IL34: variants seen among roughly 807,000 people sequenced by gnomAD.
IL34 encodes the protein interleukin-34.
A neutral mutation model predicts 25.3 loss-of-function variants in IL34; 17 were observed. The observed-to-expected ratio is 0.67, with a 90% CI of 0.46 to 1.01. IL34 has a LOEUF of 1.01. Ranked by LOEUF, IL34 falls within the 50% of genes least tolerant of loss-of-function variation. The pLI is 0.00. For synonymous variants in IL34, 174 were observed against 140.9 expected (o/e 1.23, Z -1.66); for missense variants, 368 against 312.9 (o/e 1.18, Z -1.33).
chr16:70,660,189 C>T lies in IL34; in HGVS notation c.*2C>T, dbSNP rs1217526050. 4 of 1,569,102 alleles carry T rather than the reference C, an allele frequency of 2.5e-6. No homozygotes were observed. The highest frequency in any genetic ancestry group is 2.6e-6 in the Non-Finnish European group (3 of 1,159,814). ...CAGGGCGAGGGCCTCTTGCCCTGAG[C>T]ACCCTGGATGGTGACTGCGGATAGG... On this transcript the variant is annotated 3_prime_UTR_variant, in exon 6 of 6. Transcript: ENST00000288098.
intron 1 of IL34, among the ~76,000 whole-genome samples, chr16:70,626,415 A>G (rs1484283801): frequency 1.3e-5 from 2 of 152,022 alleles, no homozygotes; most frequent in African/African-American, 4.8e-5. Context: ...TGTTTTTTTG[A>G]ATCAGAGTTT....
At chr16:70,618,540 A>T (rs188625752) in intron 1 of IL34, among the ~76,000 whole-genome samples, 114 of 152,346 alleles carry the variant, frequency 7.5e-4, no homozygotes, top group Middle Eastern at 3.4e-3. Flanking sequence ...GAGGGCCTCT[A>T]AAAGTATTAA....
At chr16:70,609,493 C>T (rs1235199932) in intron 1 of IL34, among the ~76,000 whole-genome samples, 4 of 152,034 alleles carry the variant, frequency 2.6e-5, no homozygotes, top group African/African-American at 7.2e-5. Flanking sequence ...ATGATGACAC[C>T]CGGAGGTGTG....
intron 1 of IL34, among the ~76,000 whole-genome samples, chr16:70,639,761 T>A (rs1449213349): frequency 6.6e-6 from 1 of 152,072 alleles, no homozygotes; most frequent in African/African-American, 2.4e-5. Context: ...TGAGAGCAGC[T>A]TGAGCAACAT....
In IL34 at chr16:70,588,626, C is replaced by T. The variant is rs144441869; in HGVS notation, c.-401+8577C>T. Among the ~76,000 whole-genome samples the T allele has an allele frequency of 7.7e-3, 1,174 of 152,220 alleles. 5 individuals are homozygous for T. The highest frequency in any genetic ancestry group is 0.011 in the Non-Finnish European group (751 of 68,008). On this transcript the variant is annotated intron_variant, in intron 1 of 6. Transcript: ENST00000429149. ...CACCCATGTTCATAGCAGCATCAAT[C>T]GTAGCTAAAAGGTAAAAGCAATTCA...
chr16:70,606,444 A>G (rs1402614869), intron 1 of IL34, among the ~76,000 whole-genome samples: 1 of 152,148 alleles, frequency 6.6e-6, no homozygotes, highest in Non-Finnish European at 1.5e-5. Flanking sequence ...ATAAATCAAG[A>G]TAGTGAACCT....
chr16:70,656,302 T>C (rs1239482508), intron 2 of IL34, among the ~76,000 whole-genome samples: 1 of 152,122 alleles, frequency 6.6e-6, no homozygotes, highest in African/African-American at 2.4e-5. Flanking sequence ...TTTGAGGGGC[T>C]TGAGCCCGGG....
chr16:70,652,135 A>C (rs2052096721), intron 1 of IL34, among the ~76,000 whole-genome samples: 1 of 147,698 alleles, frequency 6.8e-6, no homozygotes, highest in South Asian at 2.1e-4. Context: ...CTCAAAAAAA[A>C]AATAAATAAA....
intron 1 of IL34, 26 bp downstream of exon 1, chr16:70,647,001 C>A: frequency 6.9e-7 from 1 of 1,445,676 alleles, no homozygotes; most frequent in Non-Finnish European, 9.0e-7. Context: ...TCCCTAGGGA[C>A]CTGCATTGGG....
At chr16:70,589,609 T>A (rs2050729921) in intron 1 of IL34, among the ~76,000 whole-genome samples, 1 of 149,466 alleles carries the variant, frequency 6.7e-6, no homozygotes, top group African/African-American at 2.5e-5. Context: ...ACCTTATGTG[T>A]TTTTTTACCA....
At chr16:70,624,002 G>A (rs4985545) in intron 1 of IL34, among the ~76,000 whole-genome samples, 41,410 of 144,024 alleles carry the variant, frequency 0.29, 6,615 homozygotes, top group South Asian at 0.39. Context: ...CTCGAAGCTC[G>A]GCGTCTGTGA....
At chr16:70,636,302 C>T (rs920918113) in intron 1 of IL34, among the ~76,000 whole-genome samples, 1 of 152,080 alleles carries the variant, frequency 6.6e-6, no homozygotes, top group Admixed American at 6.6e-5. Context: ...TCCCAAAGTG[C>T]TGGGATTACA....
At chr16:70,619,034 A>G (rs900114473) in intron 1 of IL34, among the ~76,000 whole-genome samples, 2 of 152,184 alleles carry the variant, frequency 1.3e-5, no homozygotes, top group African/African-American at 2.4e-5. Context: ...CACGGGGTGG[A>G]TAGGCAAAAC....
intron 1 of IL34, among the ~76,000 whole-genome samples, chr16:70,630,350 A>G (rs753108687): frequency 1.1e-4 from 17 of 151,750 alleles, no homozygotes; most frequent in Non-Finnish European, 2.1e-4. Context: ...TCCTGCCTCA[A>G]CCTCCCGAGT....
intron 1 of IL34, among the ~76,000 whole-genome samples, chr16:70,620,420 G>T (rs1320965110): frequency 6.7e-6 from 1 of 149,558 alleles, no homozygotes; most frequent in African/African-American, 2.5e-5. Context: ...GAAACTGTAA[G>T]CCCCACCAGG....
intron 1 of IL34, among the ~76,000 whole-genome samples, chr16:70,626,879 T>C (rs2051405437): frequency 6.6e-6 from 1 of 152,236 alleles, no homozygotes; most frequent in Admixed American, 6.5e-5. Flanking sequence ...CTCTTTTCTC[T>C]GTATGTATTT....
At chr16:70,650,965 C>A (rs1230952796) in intron 1 of IL34, among the ~76,000 whole-genome samples, 1 of 152,228 alleles carries the variant, frequency 6.6e-6, no homozygotes, top group South Asian at 2.1e-4. Flanking sequence ...AATCCCAGCA[C>A]TTTGGGAAGC....
chr16:70,619,365 T>C (rs201756704), intron 1 of IL34, among the ~76,000 whole-genome samples: 4 of 151,822 alleles, frequency 2.6e-5, no homozygotes, highest in Non-Finnish European at 5.9e-5. Context: ...GGAAGAAGGG[T>C]GGCAATGAGA....
rs534262603 is a variant in IL34 at position 70,635,241 on chromosome 16, GA to G, written c.-400-11305del. The stretch of plus-strand genomic sequence containing the variant: ...AGGGCCCCATTACCATGCATCCTGA[GA>G]ACTCAAACAGTGATTTTCTTGGCGA... On this transcript the variant is annotated intron_variant, in intron 1 of 6. Transcript: ENST00000429149. 1.7e-3 allele frequency among the ~76,000 whole-genome samples: 254 copies of G among 152,274 alleles called. 2 individuals are homozygous for G. The highest frequency in any genetic ancestry group is 0.014 in the Middle Eastern group (4 of 294).
Sources: allele counts gnomAD v4.1 joint callset (sites outside exome capture counted in the v4.1 genomes callset), GRCh38; gene constraint gnomAD v4.1.1; transcripts MANE v1.5; gene names NCBI Gene and HGNC (gene_info 2026-07-23, HGNC 2026-07-21).